The following CHRM3 variants were observed in gnomAD, a reference collection of about 807,000 sequenced individuals.
CHRM3 encodes cholinergic receptor muscarinic 3, also known as muscarinic acetylcholine receptor M3.
CHRM3 carries 11 observed loss-of-function variants against 41.8 expected under a neutral mutation model. The observed-to-expected ratio is 0.26, with a 90% CI of 0.17 to 0.44. The LOEUF is 0.44. CHRM3 is among the 20% of genes least tolerant of loss of function. The probability of loss-of-function intolerance (pLI) is 1.00; values close to 1 mark genes in which losing one functional copy is unlikely to be tolerated. For synonymous variants in CHRM3, 297 were observed against 301.4 expected (o/e 0.99, Z 0.15); for missense variants, 571 against 745.4 (o/e 0.77, Z 2.72).
intron 3 of CHRM3, among the ~76,000 whole-genome samples, chr1:239,597,653 A>T (rs1357480726): frequency 6.6e-6 from 1 of 152,028 alleles, no homozygotes; most frequent in East Asian, 1.9e-4. Context: ...ATGATAAAAA[A>T]CTAAATAAAA....
At chr1:239,693,359 A>T (rs1018684935) in intron 5 of CHRM3, among the ~76,000 whole-genome samples, 3 of 150,872 alleles carry the variant, frequency 2.0e-5, no homozygotes, top group African/African-American at 4.9e-5. Flanking sequence ...TAAGGGTAGG[A>T]TCTCTCTCTC....
chr1:239,516,130 G>T (rs1669253282), intron 2 of CHRM3, among the ~76,000 whole-genome samples: 1 of 152,096 alleles, frequency 6.6e-6, no homozygotes, highest in Admixed American at 6.5e-5. Flanking sequence ...CCATTTGTAG[G>T]CTAGTCCTGC....
chr1:239,905,446 C>T (rs1462794861), intron 6 of CHRM3, among the ~76,000 whole-genome samples: 2 of 152,136 alleles, frequency 1.3e-5, no homozygotes, highest in Non-Finnish European at 2.9e-5. Context: ...TAGCTCATGC[C>T]TATAATCCCA....
chr1:239,719,785 G>C (rs1662754164), intron 5 of CHRM3: 1 of 151,900 alleles, frequency 6.6e-6, no homozygotes. Context: ...AGCAACAAGA[G>C]ATCTTTTGAA....
intron 3 of CHRM3, among the ~76,000 whole-genome samples, chr1:239,575,186 G>A (rs762148831): frequency 1.8e-4 from 28 of 152,080 alleles, no homozygotes; most frequent in Non-Finnish European, 2.8e-4. Context: ...GTGTAGGTAA[G>A]TTTCTCTTTT....
At position 239,634,255 on chromosome 1, in the gene CHRM3, A is replaced by G. The variant is rs138392320; in HGVS notation, c.-250+1969A>G. 2.3e-3 allele frequency among the ~76,000 whole-genome samples: 352 copies of G among 152,282 alleles called. 3 individuals are homozygous for G. Among genetic ancestry groups the G allele is most frequent in the African/African-American group, 8.2e-3 (342 of 41,548 alleles). ...CCCTTTGAATACAATACTCTTCAATAGCACAGACTTTCTATTATATTTTGC... is the reference window on the plus strand; with the variant it reads ...CCCTTTGAATACAATACTCTTCAATGGCACAGACTTTCTATTATATTTTGC... On this transcript the variant is annotated intron_variant, in intron 4 of 6. Coordinates refer to ENST00000676153, the MANE Select transcript of CHRM3 (RefSeq NM_001375978.1).
At chr1:239,629,731 C>T (rs1426135808) in intron 3 of CHRM3, among the ~76,000 whole-genome samples, 1 of 152,150 alleles carries the variant, frequency 6.6e-6, no homozygotes, top group East Asian at 1.9e-4. Flanking sequence ...GCAAAATATC[C>T]TACCTTTTTT....
At chr1:239,771,707 T>C (rs917760364) in intron 5 of CHRM3, among the ~76,000 whole-genome samples, 1 of 152,192 alleles carries the variant, frequency 6.6e-6, no homozygotes, top group African/African-American at 2.4e-5. Flanking sequence ...ATTACTCAAC[T>C]TTGCCCTTAT....
At chr1:239,795,824 A>T (rs1350070355) in intron 5 of CHRM3, among the ~76,000 whole-genome samples, 1 of 152,202 alleles carries the variant, frequency 6.6e-6, no homozygotes, top group Non-Finnish European at 1.5e-5. Flanking sequence ...TTGAAATAAA[A>T]TTGAAATTTT....
chr1:239,603,900 G>A (rs961775403), intron 3 of CHRM3, among the ~76,000 whole-genome samples: 1 of 152,012 alleles, frequency 6.6e-6, no homozygotes, highest in Non-Finnish European at 1.5e-5. Flanking sequence ...AATATTTGAA[G>A]ATAGCAAATT....
chr1:239,461,896 C>T (rs1180032671), intron 1 of CHRM3, among the ~76,000 whole-genome samples: 1 of 152,082 alleles, frequency 6.6e-6, no homozygotes, highest in African/African-American at 2.4e-5. Context: ...TCTCTTTCCC[C>T]TCAGCATTCT....
At chr1:239,640,384 C>A (rs1357512967) in intron 4 of CHRM3, among the ~76,000 whole-genome samples, 1 of 152,074 alleles carries the variant, frequency 6.6e-6, no homozygotes, top group East Asian at 1.9e-4. Context: ...GGCTGTGAAT[C>A]CATCTGGTCC....
chr1:239,797,227 G>C (rs997476786), intron 5 of CHRM3, among the ~76,000 whole-genome samples: 4 of 152,062 alleles, frequency 2.6e-5, no homozygotes, highest in Admixed American at 2.0e-4. Flanking sequence ...GGGGGCAAGG[G>C]CTAAAACATT....
At chr1:239,439,060 A>G (rs1050912592) in intron 1 of CHRM3, among the ~76,000 whole-genome samples, 8 of 152,352 alleles carry the variant, frequency 5.3e-5, no homozygotes, top group Non-Finnish European at 1.0e-4. Context: ...TAGTTGCAGC[A>G]GCATCTTCTC....
At chr1:239,519,683 T>C (rs1193411872) in intron 2 of CHRM3, among the ~76,000 whole-genome samples, 2 of 152,072 alleles carry the variant, frequency 1.3e-5, no homozygotes, top group Non-Finnish European at 2.9e-5. Flanking sequence ...AAGAGAATTA[T>C]TCTGTTTCCT....
chr1:239,636,837 C>T (rs567986210), intron 4 of CHRM3, among the ~76,000 whole-genome samples: 71 of 152,306 alleles, frequency 4.7e-4, no homozygotes, highest in Middle Eastern at 3.4e-3. Flanking sequence ...TCCCTCCCAA[C>T]CCTGCCTGCT....
chr1:239,663,015 CTCT>C (rs1673418974), intron 4 of CHRM3, among the ~76,000 whole-genome samples: 1 of 148,688 alleles, frequency 6.7e-6, no homozygotes, highest in African/African-American at 2.5e-5. Context: ...CTTTCTCTTC[CTCT>C]TCTTCTTTTC....
At chr1:239,878,038 G>A (rs533876394) in intron 6 of CHRM3, among the ~76,000 whole-genome samples, 165 of 151,716 alleles carry the variant, frequency 1.1e-3, no homozygotes, top group Middle Eastern at 0.01. Flanking sequence ...CTACAGGTGC[G>A]TGCCACCACA....
At chr1:239,605,788 A>G (rs774927218) in intron 3 of CHRM3, among the ~76,000 whole-genome samples, 4 of 152,202 alleles carry the variant, frequency 2.6e-5, no homozygotes, top group South Asian at 2.1e-4. Flanking sequence ...TATTAGCTAT[A>G]TGAGAACTAC....
Sources: allele counts gnomAD v4.1 joint callset (sites outside exome capture counted in the v4.1 genomes callset), GRCh38; gene constraint gnomAD v4.1.1; transcripts MANE v1.5; gene names NCBI Gene and HGNC (gene_info 2026-07-23, HGNC 2026-07-21).